Variants in LSM1 observed in about 807,000 individuals in gnomAD.
The protein encoded by LSM1 is LSM1 homolog, mRNA degradation associated.
LSM1 carries 13 observed loss-of-function variants against 18.0 expected under a neutral mutation model. The observed-to-expected ratio is 0.72, with a 90% CI of 0.47 to 1.15. The LOEUF (loss-of-function observed/expected upper bound fraction) is 1.15. Among genes scored for constraint, LSM1 ranks in the 50% most tolerant of loss-of-function variants. The pLI, the probability that LSM1 is intolerant of heterozygous loss-of-function variation, is 0.00. For synonymous variants in LSM1, 46 were observed against 56.0 expected (o/e 0.82, Z 0.80); for missense variants, 152 against 157.7 (o/e 0.96, Z 0.19).
intron 1 of LSM1, among the ~76,000 whole-genome samples, chr8:38,173,334 G>A (rs926301479): frequency 1.3e-5 from 2 of 151,794 alleles, no homozygotes; most frequent in African/African-American, 4.8e-5. Flanking sequence ...GACCTTAAAA[G>A]GTAGATAATT....
At position 38,163,417 on chromosome 8, in the gene LSM1, AAAG is replaced by A; in HGVS notation, c.*250_*252del. 1 of 363,828 alleles carries A rather than the reference AAAG, an allele frequency of 2.7e-6. No homozygotes were observed. Among genetic ancestry groups the A allele is most frequent in the Non-Finnish European group, 5.0e-6 (1 of 201,484 alleles). The allele number at this position is 363,828 out of a possible 1,614,324, so 22.5% of individuals were successfully genotyped here. ...TAATTTGGGATATGAAGAACAATATAAAGAAGTAGTTGCTGGTGCCACAGTGAT... is the reference window on the plus strand; with the variant it reads ...TAATTTGGGATATGAAGAACAATATAAAGTAGTTGCTGGTGCCACAGTGAT... On this transcript the variant is annotated 3_prime_UTR_variant, in exon 4 of 4. Transcript: ENST00000311351.
At chr8:38,165,951 A>G (rs1318353639) in intron 3 of LSM1, 1 of 152,244 alleles carries the variant, frequency 6.6e-6, no homozygotes, top group African/African-American at 2.4e-5. Flanking sequence ...TAAATGTGGC[A>G]TAGTATGCTT....
chr8:38,173,398 T>C (rs1318655111), intron 1 of LSM1, among the ~76,000 whole-genome samples: 2 of 151,032 alleles, frequency 1.3e-5, no homozygotes, highest in African/African-American at 2.4e-5. Context: ...AGGAAATCTG[T>C]AAATTAAAGA....
intron 1 of LSM1, among the ~76,000 whole-genome samples, chr8:38,173,942 A>G (rs1174769433): frequency 6.6e-6 from 1 of 152,252 alleles, no homozygotes; most frequent in Non-Finnish European, 1.5e-5. Context: ...CAGAGAAGTA[A>G]GAAAATCACC....
chr8:38,176,088 G>C, intron 1 of LSM1, 187 bp downstream of exon 1: 1 of 500,704 alleles, frequency 2.0e-6, no homozygotes, highest in Non-Finnish European at 3.6e-6. Flanking sequence ...AGAAGTAGCA[G>C]CAGGCTACTG....
At chr8:38,173,513 G>T (rs1803065747) in intron 1 of LSM1, among the ~76,000 whole-genome samples, 1 of 152,170 alleles carries the variant, frequency 6.6e-6, no homozygotes, top group South Asian at 2.1e-4. Context: ...GCTGCATCTG[G>T]ATTTGACTTC....
intron 1 of LSM1, among the ~76,000 whole-genome samples, chr8:38,175,305 C>T (rs1458600895): frequency 6.6e-6 from 1 of 151,950 alleles, no homozygotes; most frequent in South Asian, 2.1e-4. Flanking sequence ...CGACCTCAGG[C>T]GATCTGCCCG....
intron 3 of LSM1, among the ~76,000 whole-genome samples, chr8:38,168,768 TATATTTC>T (rs1802979788): frequency 6.6e-6 from 1 of 152,036 alleles, no homozygotes; most frequent in South Asian, 2.1e-4. Flanking sequence ...TTTCACAGCA[TATATTTC>T]ATATATTCAT....
chr8:38,175,958 C>A (rs10099971), intron 1 of LSM1: 3,994 of 243,514 alleles, frequency 0.016, 147 homozygotes, highest in African/African-American at 0.1. Context: ...GGGGAGAAGC[C>A]CCCCCCCTCC....
intron 3 of LSM1, among the ~76,000 whole-genome samples, chr8:38,164,665 A>AAAC (rs1802900411): frequency 6.6e-6 from 1 of 150,856 alleles, no homozygotes; most frequent in African/African-American, 2.4e-5. Context: ...AACTCCACCA[A>AAAC]AAAACAAAAC....
In LSM1 at chr8:38,165,130, C is replaced by T. The variant is rs569710244; in HGVS notation, c.232-1290G>A. On this transcript the variant is annotated intron_variant, in intron 3 of 3. Coordinates refer to ENST00000311351, the MANE Select transcript of LSM1 (RefSeq NM_014462.3). ...CTGGGAAGCCGAGGCGGGCAGATCA[C>T]TTGAGGCCAGGAGTTCGAGACCAGC... Among the ~76,000 whole-genome samples the T allele has an allele frequency of 5.9e-5, 9 of 152,228 alleles. No homozygotes were observed. The South Asian group carries it at 1.7e-3, about 28-fold the overall frequency.
intron 2 of LSM1, among the ~76,000 whole-genome samples, chr8:38,171,541 C>T (rs1803030682): frequency 6.6e-6 from 1 of 152,158 alleles, no homozygotes; most frequent in Non-Finnish European, 1.5e-5. Context: ...GTGGCTGGAG[C>T]CTATAATCTC....
intron 3 of LSM1, among the ~76,000 whole-genome samples, chr8:38,169,438 T>C (rs866867328): frequency 3.3e-5 from 5 of 152,206 alleles, no homozygotes; most frequent in Admixed American, 2.0e-4. Context: ...TATCACATTG[T>C]ACTGTACAGG....
At chr8:38,170,351 T>A (rs1803005105) in intron 2 of LSM1, among the ~76,000 whole-genome samples, 1 of 152,242 alleles carries the variant, frequency 6.6e-6, no homozygotes, top group South Asian at 2.1e-4. Flanking sequence ...AGCTTTCTAA[T>A]TCTGGGGAAG....
chr8:38,168,068 T>C (rs1802967282), intron 3 of LSM1, among the ~76,000 whole-genome samples: 1 of 151,518 alleles, frequency 6.6e-6, no homozygotes, highest in Non-Finnish European at 1.5e-5. Flanking sequence ...TTCATGCCAT[T>C]CTCCTACCTC....
At chr8:38,174,840 T>G (rs1803092020) in intron 1 of LSM1, among the ~76,000 whole-genome samples, 2 of 151,796 alleles carry the variant, frequency 1.3e-5, no homozygotes, top group Admixed American at 1.3e-4. Flanking sequence ...CTGCCCAGCA[T>G]GGCGAAACCT....
chr8:38,175,446 TA>T (rs772628250), intron 1 of LSM1, among the ~76,000 whole-genome samples: 1 of 152,206 alleles, frequency 6.6e-6, no homozygotes, highest in Non-Finnish European at 1.5e-5. Flanking sequence ...TATTTAAAAC[TA>T]TGTGTAAATC....
In LSM1 at chr8:38,163,483, G is replaced by T. The variant is rs568627073; in HGVS notation, c.*187C>A. 51 of 531,434 alleles carry T rather than the reference G, an allele frequency of 9.6e-5. 1 individual carries two copies. The highest frequency in any genetic ancestry group is 1.6e-4 in the Non-Finnish European group (49 of 301,986). The allele number at this position is 531,434 out of a possible 1,614,324, so 32.9% of individuals were successfully genotyped here. ...CTATGCCACTGTTTCTTTAAACAGT[G>T]ATTTTGTTATTAAAAAAAAAACCCA... is the stretch of plus-strand genomic sequence containing the variant. On this transcript the variant is annotated 3_prime_UTR_variant, in exon 4 of 4. Transcript: ENST00000311351.
intron 3 of LSM1, among the ~76,000 whole-genome samples, chr8:38,168,880 C>A (rs1166577698): frequency 6.6e-6 from 1 of 151,970 alleles, no homozygotes; most frequent in African/African-American, 2.4e-5. Context: ...CTGAACCAAC[C>A]CAACCCTAGC....
Sources: allele counts gnomAD v4.1 joint callset (sites outside exome capture counted in the v4.1 genomes callset), GRCh38; gene constraint gnomAD v4.1.1; transcripts MANE v1.5; gene names NCBI Gene and HGNC (gene_info 2026-07-23, HGNC 2026-07-21).